DNAAF4: variants seen among roughly 807,000 people sequenced by gnomAD.
DNAAF4 encodes dynein assembly factor 4, axonemal.
In DNAAF4, 43 loss-of-function variants were observed where a neutral mutation model predicts 51.8. The observed-to-expected ratio is 0.83, with a 90% CI of 0.65 to 1.07. The LOEUF (loss-of-function observed/expected upper bound fraction) is 1.07. Among genes scored for constraint, DNAAF4 ranks in the 50% least tolerant of loss-of-function variants. DNAAF4 has a pLI of 0.00. For synonymous variants in DNAAF4, 194 were observed against 165.6 expected, an observed-to-expected ratio of 1.17 and a Z score of -1.32; for missense variants, 581 against 493.0, an observed-to-expected ratio of 1.18 and a Z score of -1.69.
At chr15:55,468,016 T>C (rs905362469) in intron 4 of DNAAF4, among the ~76,000 whole-genome samples, 1 of 152,158 alleles carries the variant, frequency 6.6e-6, no homozygotes, top group Non-Finnish European at 1.5e-5. Context: ...ATGATCAAAA[T>C]GTCTGTGCTA....
chr15:55,469,690 CTG>C (rs1212731880), intron 4 of DNAAF4, among the ~76,000 whole-genome samples: 1 of 151,606 alleles, frequency 6.6e-6, no homozygotes, highest in African/African-American at 2.4e-5. Flanking sequence ...CGGGGTTTCA[CTG>C]TGTTAGCCAG....
intron 5 of DNAAF4, among the ~76,000 whole-genome samples, chr15:55,465,286 C>A (rs1223215370): frequency 1.3e-5 from 2 of 152,072 alleles, no homozygotes; most frequent in Non-Finnish European, 2.9e-5. Context: ...AGTCATTAGA[C>A]ACTTGCACAC....
At chr15:55,471,566 T>A (rs1418531127) in intron 4 of DNAAF4, among the ~76,000 whole-genome samples, 1 of 151,356 alleles carries the variant, frequency 6.6e-6, no homozygotes, top group South Asian at 2.1e-4. Flanking sequence ...CAGGCTGGAG[T>A]GCAGCGGCAC....
intron 4 of DNAAF4, among the ~76,000 whole-genome samples, chr15:55,468,291 T>A (rs1376829819): frequency 6.6e-6 from 1 of 152,196 alleles, no homozygotes; most frequent in Non-Finnish European, 1.5e-5. Context: ...AATATCTACA[T>A]GACATAATAC....
chr15:55,440,151 C>T (rs532351236), intron 6 of DNAAF4, among the ~76,000 whole-genome samples: 1 of 151,916 alleles, frequency 6.6e-6, no homozygotes, highest in East Asian at 1.9e-4. Context: ...CTCCCAGGTT[C>T]AAGTGATTCT....
intron 4 of DNAAF4, among the ~76,000 whole-genome samples, chr15:55,480,073 A>C (rs932986041): frequency 6.6e-6 from 1 of 151,972 alleles, no homozygotes; most frequent in African/African-American, 2.4e-5. Context: ...TTACACCCTT[A>C]TTAGTAGTTC....
intron 3 of DNAAF4, among the ~76,000 whole-genome samples, chr15:55,492,793 C>T (rs1366357933): frequency 6.6e-6 from 1 of 152,134 alleles, no homozygotes; most frequent in Non-Finnish European, 1.5e-5. Flanking sequence ...CTGCCTTGGC[C>T]TCCGAAAGTG....
At chr15:55,460,198 T>TTTTTA (rs2058075464) in intron 5 of DNAAF4, among the ~76,000 whole-genome samples, 1 of 150,552 alleles carries the variant, frequency 6.6e-6, no homozygotes, top group Non-Finnish European at 1.5e-5. Context: ...TTTTTTTTTT[T>TTTTTA]GAGACAGAGT....
At chr15:55,506,295 T>C (rs955091824) in intron 1 of DNAAF4, among the ~76,000 whole-genome samples, 6 of 152,202 alleles carry the variant, frequency 3.9e-5, no homozygotes, top group African/African-American at 1.4e-4. Context: ...CCTGCTTATT[T>C]TATAACCAGC....
intron 4 of DNAAF4, among the ~76,000 whole-genome samples, chr15:55,480,676 T>C (rs1374882934): frequency 2.6e-5 from 4 of 152,004 alleles, no homozygotes; most frequent in African/African-American, 7.2e-5. Context: ...TACGAATAAC[T>C]GCAGGCGTAG....
downstream of DNAAF4, among the ~76,000 whole-genome samples, chr15:55,427,666 G>A (rs1333163465): frequency 1.1e-4 from 16 of 150,638 alleles, no homozygotes; most frequent in South Asian, 2.1e-4. Context: ...ATGGAGTTTC[G>A]CTCTTCTTGT....
intron 5 of DNAAF4, among the ~76,000 whole-genome samples, chr15:55,460,317 T>C (rs190047438): frequency 2.6e-5 from 4 of 151,740 alleles, no homozygotes; most frequent in Admixed American, 2.0e-4. Flanking sequence ...GTAGCTGGGA[T>C]TACAGGTGCG....
chr15:55,472,815 T>C (rs2058273600), intron 4 of DNAAF4, among the ~76,000 whole-genome samples: 1 of 152,118 alleles, frequency 6.6e-6, no homozygotes, highest in African/African-American at 2.4e-5. Context: ...CAACAAGGCA[T>C]TGTTCTTTAT....
intron 1 of DNAAF4, among the ~76,000 whole-genome samples, chr15:55,502,543 G>GT (rs1417503934): frequency 6.6e-6 from 1 of 152,024 alleles, no homozygotes; most frequent in African/African-American, 2.4e-5. Flanking sequence ...AAATTTGTAT[G>GT]TTTTTTGTAT....
chr15:55,498,085 T>C lies in DNAAF4; in HGVS notation c.123+122A>G, dbSNP rs61675921. ...ACCTGTATGGGATTCATTTTTTTAA[T>C]AGGATTAAAAATTTAGGACGTTTAT... On this transcript the variant is annotated intron_variant, in intron 2 of 9. Coordinates refer to ENST00000321149, the MANE Select transcript of DNAAF4 (RefSeq NM_130810.4). The C allele has an allele frequency of 5.2e-3, 7,952 of 1,521,856 alleles. 273 individuals carry two copies. The African/African-American group carries it at 0.079, about 15-fold the overall frequency. 94.3% of individuals were successfully genotyped at this position (1,521,856 alleles called of 1,614,324 possible).
At chr15:55,419,009 C>A (rs1247343336) in intron 7 of DNAAF4, among the ~76,000 whole-genome samples, 1 of 150,306 alleles carries the variant, frequency 6.7e-6, no homozygotes, top group Non-Finnish European at 1.5e-5. Context: ...CTCCGCCTCC[C>A]AGGTTCAAGC....
intron 8 of DNAAF4, among the ~76,000 whole-genome samples, chr15:55,433,713 T>C (rs2057535524): frequency 7.5e-6 from 1 of 133,082 alleles, no homozygotes; most frequent in Non-Finnish European, 1.5e-5. Context: ...AAATATATTA[T>C]ATATATAAAA....
At chr15:55,499,150 CA>C (rs1458739700) in intron 1 of DNAAF4, among the ~76,000 whole-genome samples, 2 of 152,114 alleles carry the variant, frequency 1.3e-5, no homozygotes, top group Non-Finnish European at 2.9e-5. Flanking sequence ...AGACTGTGAA[CA>C]AATGTGAACC....
chr15:55,439,354 C>T, intron 7 of DNAAF4, 118 bp downstream of exon 7: 2 of 781,678 alleles, frequency 2.6e-6, no homozygotes, highest in Non-Finnish European at 4.1e-6. Flanking sequence ...AAGTTATCAT[C>T]CCACCTCGGC....
Sources: gnomAD v4.1 joint callset for allele counts (sites outside exome capture counted in the v4.1 genomes callset) on GRCh38, gnomAD v4.1.1 for gene constraint, MANE v1.5 for transcripts, NCBI Gene and HGNC (gene_info 2026-07-23, HGNC 2026-07-21) for gene names.